Variants in PCDH19 observed in about 807,000 individuals in gnomAD.
The protein encoded by PCDH19 is protocadherin 19, also known as protocadherin-19.
In PCDH19, 6 loss-of-function variants were observed where a neutral mutation model predicts 46.2. The observed-to-expected ratio is 0.13, with a 90% confidence interval of 0.07 to 0.26. The LOEUF (loss-of-function observed/expected upper bound fraction) is 0.26. PCDH19 is among the 10% of genes least tolerant of loss of function. PCDH19 has a pLI of 1.00. For synonymous variants in PCDH19, 481 were observed against 415.7 expected (o/e 1.16, Z -1.91); for missense variants, 740 against 972.3 (o/e 0.76, Z 3.18).
At chrX:100,385,620 C>T (rs1927691039) in intron 3 of PCDH19, among the ~76,000 whole-genome samples, 1 of 112,292 alleles carries the variant, frequency 8.9e-6, no homozygotes, top group Non-Finnish European at 1.9e-5. Context: ...GTTAGCTGGG[C>T]ATGGTGGCTC....
chrX:100,311,374 C>T (rs931917817), intron 5 of PCDH19, among the ~76,000 whole-genome samples: 1 of 110,940 alleles, frequency 9.0e-6, no homozygotes, highest in African/African-American at 3.3e-5. Flanking sequence ...AAAAATCTTC[C>T]CTTTTCTAAT....
chrX:100,337,408 A>G (rs1180187492), intron 5 of PCDH19, among the ~76,000 whole-genome samples: 2 of 112,543 alleles, frequency 1.8e-5, no homozygotes, highest in Non-Finnish European at 3.7e-5. Flanking sequence ...ACACCAGTAG[A>G]AAGCACAGGA....
At chrX:100,309,987 C>G (rs1029490085) in intron 5 of PCDH19, among the ~76,000 whole-genome samples, 3 of 112,396 alleles carry the variant, frequency 2.7e-5, no homozygotes, top group Middle Eastern at 4.6e-3. Context: ...CCAAATGGCA[C>G]ATAGGCCTCT....
Position 100,406,552 on chromosome X carries a change from A to C in PCDH19, c.2046T>G (p.Ile682Met), listed in dbSNP as rs746378974. The C allele has an allele frequency of 8.3e-7, 1 of 1,209,887 alleles. No homozygotes were observed. Among genetic ancestry groups the C allele is most frequent in the Admixed American group, 2.2e-5 (1 of 45,967 alleles). ...TGCCCGCAATGGAGCCCAGGGCAATAATGAAAATCAAGGACAAGTTCACAG... is the reference window on the plus strand; with the variant it reads ...TGCCCGCAATGGAGCCCAGGGCAATCATGAAAATCAAGGACAAGTTCACAG... ...MGSVNLSLIF[I>M]IALGSIAGIL... Residue 682 changes from isoleucine (I) to methionine (M), a missense_variant, in exon 1 of 6, where the codon ATT (isoleucine) becomes ATG (methionine). By Grantham distance (10) the Ile-to-Met change is conservative. Transcript: ENST00000373034.
intron 5 of PCDH19, among the ~76,000 whole-genome samples, chrX:100,310,206 C>T (rs1044027039): frequency 9.0e-6 from 1 of 111,626 alleles, no homozygotes; most frequent in Non-Finnish European, 1.9e-5. Context: ...GAGAGTGTGG[C>T]GTGTACAGTC....
Position 100,407,344 on chromosome X carries a change from T to C in PCDH19, c.1254A>G (p.Gln418=). 8.2e-7 allele frequency: 1 copy of C among 1,212,277 alleles called. No homozygotes were observed. The highest frequency in any genetic ancestry group is 1.1e-6 in the Non-Finnish European group (1 of 895,625). ...CGCGTGCCTGAATTGTGAGGTTGTA[T>C]TGGTCGTGCTGCTCGCGGTCCAGCC... ...DGRLDREQHD[Q]YNLTIQARDG... is the part of the protein sequence containing the mutation. Residue 418 remains glutamine, a synonymous_variant, in exon 1 of 6, where the codon CAA becomes CAG. Transcript: ENST00000373034.
chrX:100,301,069 T>C (rs995735758), intron 5 of PCDH19, among the ~76,000 whole-genome samples: 19 of 111,610 alleles, frequency 1.7e-4, no homozygotes, highest in Admixed American at 7.6e-4. Context: ...AGCAAAACTT[T>C]ATGCAGCAAT....
At chrX:100,342,464 A>C (rs1449319235) in intron 4 of PCDH19, among the ~76,000 whole-genome samples, 1 of 112,312 alleles carries the variant, frequency 8.9e-6, no homozygotes, top group African/African-American at 3.2e-5. Flanking sequence ...GCACTGTTTT[A>C]AGTGTTTGAC....
chrX:100,376,321 T>C (rs1388229565), intron 3 of PCDH19, among the ~76,000 whole-genome samples: 1 of 107,842 alleles, frequency 9.3e-6, no homozygotes, highest in Non-Finnish European at 1.9e-5. Context: ...TACATATGAG[T>C]AGTTAGAAAA....
chrX:100,323,419 G>A (rs1476797315), intron 5 of PCDH19, among the ~76,000 whole-genome samples: 14 of 111,785 alleles, frequency 1.3e-4, no homozygotes, highest in Non-Finnish European at 1.9e-5. Flanking sequence ...ATTTCAAATG[G>A]AAAGCAGAAC....
chrX:100,333,789 ATTT>A (rs370118055), intron 5 of PCDH19, among the ~76,000 whole-genome samples: 215 of 82,126 alleles, frequency 2.6e-3, no homozygotes, highest in African/African-American at 5.6e-3. Context: ...TTTCCTCTTC[ATTT>A]TTTTTTTTTT....
At chrX:100,379,545 A>G (rs1329390654) in intron 3 of PCDH19, among the ~76,000 whole-genome samples, 1 of 112,315 alleles carries the variant, frequency 8.9e-6, no homozygotes, top group Non-Finnish European at 1.9e-5. Context: ...GGCCAAGTTG[A>G]ATAAAGGCTG....
intron 5 of PCDH19, among the ~76,000 whole-genome samples, chrX:100,322,848 TATATATA>T (rs1925541349): frequency 1.7e-5 from 1 of 57,880 alleles, no homozygotes; most frequent in Non-Finnish European, 3.3e-5. Flanking sequence ...TATATATATA[TATATATA>T]TATATATATA....
intron 5 of PCDH19, 55 bp from the exon 6 acceptor site, chrX:100,296,930 T>TA (rs1924636415): frequency 9.5e-7 from 1 of 1,056,582 alleles, no homozygotes; most frequent in South Asian, 1.9e-5. Context: ...GATTCACTGT[T>TA]ACTCCCCAGT....
rs1928534100 is a variant in PCDH19 at position 100,409,678 on chromosome X, T to C, written c.-1081A>G. ...CCGTGGGTACCGGGTGCTTCTCTTC[T>C]CTCCGTTTGGGCTGGGGTGTCGCTC... On this transcript the variant is annotated 5_prime_UTR_variant, in exon 1 of 6. Coordinates refer to ENST00000373034, the MANE Select transcript of PCDH19 (RefSeq NM_001184880.2). 8.9e-6 allele frequency: 2 copies of C among 225,060 alleles called. No individual in the cohort carries two copies. The highest frequency in any genetic ancestry group is 1.6e-5 in the Non-Finnish European group (2 of 128,991). 18.5% of individuals were successfully genotyped at this position (225,060 alleles called of 1,213,427 possible). A position where few individuals can be genotyped will look rare whatever the true frequency, so the allele number is the denominator to read the frequency against.
At chrX:100,336,649 G>A in intron 5 of PCDH19, among the ~76,000 whole-genome samples, 1 of 112,225 alleles carries the variant, frequency 8.9e-6, no homozygotes, top group Non-Finnish European at 1.9e-5. Context: ...GATATGAAAA[G>A]CAGCTAAATC....
intron 5 of PCDH19, among the ~76,000 whole-genome samples, chrX:100,316,184 C>G (rs1037813662): frequency 8.0e-5 from 9 of 112,168 alleles, no homozygotes; most frequent in African/African-American, 1.3e-4. Context: ...GATTTATCAG[C>G]CTAGCATTTC....
intron 3 of PCDH19, among the ~76,000 whole-genome samples, chrX:100,360,924 T>C (rs1169463375): frequency 1.8e-5 from 2 of 111,992 alleles, no homozygotes; most frequent in African/African-American, 6.5e-5. Context: ...ACCCCACCTG[T>C]CCTTCTCCCA....
At chrX:100,306,867 T>C (rs1026561338) in intron 5 of PCDH19, among the ~76,000 whole-genome samples, 1 of 111,404 alleles carries the variant, frequency 9.0e-6, no homozygotes, top group Non-Finnish European at 1.9e-5. Flanking sequence ...CAGGAAGATA[T>C]AGAAACTCGT....
Sources: allele counts gnomAD v4.1 joint callset (sites outside exome capture counted in the v4.1 genomes callset), GRCh38; gene constraint gnomAD v4.1.1; transcripts MANE v1.5; gene names NCBI Gene and HGNC (gene_info 2026-07-23, HGNC 2026-07-21).